The following NELL1 variants were observed in gnomAD, a reference collection of about 807,000 sequenced individuals.
NELL1 encodes neural EGFL like 1.
A neutral mutation model predicts 107.4 loss-of-function variants in NELL1; 76 were observed. The ratio of observed to expected loss-of-function variants is 0.71; its 90% CI spans 0.59 to 0.86. The LOEUF is 0.86. Ranked by LOEUF, NELL1 falls within the 40% of genes least tolerant of loss-of-function variation. NELL1 has a pLI of 0.00. For synonymous variants in NELL1, 353 were observed against 341.2 expected (o/e 1.03, Z -0.38); for missense variants, 1,024 against 1,005.5 (o/e 1.02, Z -0.25).
chr11:20,904,216 TA>T (rs59464771), intron 5 of NELL1, among the ~76,000 whole-genome samples: 82 of 137,564 alleles, frequency 6.0e-4, no homozygotes, highest in South Asian at 1.4e-3. Context: ...AATAAATAAA[TA>T]AAAAAAAAAA....
At chr11:21,126,359 T>TAATAAATAAATA (rs3046342) in intron 13 of NELL1, among the ~76,000 whole-genome samples, 5 of 150,556 alleles carry the variant, frequency 3.3e-5, no homozygotes, top group Admixed American at 6.6e-5. Context: ...CCTATTGAGA[T>TAATAAATAAATA]AATAAATAAA....
At chr11:21,496,159 T>A (rs1040114190) in intron 15 of NELL1, among the ~76,000 whole-genome samples, 15 of 151,990 alleles carry the variant, frequency 9.9e-5, no homozygotes, top group Non-Finnish European at 2.1e-4. Context: ...TTGTACTTCT[T>A]ATATGCACAG....
chr11:21,504,508 C>T (rs1195350726), intron 15 of NELL1, among the ~76,000 whole-genome samples: 1 of 152,068 alleles, frequency 6.6e-6, no homozygotes, highest in Non-Finnish European at 1.5e-5. Context: ...TTTTTTTGTA[C>T]ATAATTGAAT....
intron 5 of NELL1, among the ~76,000 whole-genome samples, chr11:20,888,772 T>C (rs940304782): frequency 2.2e-4 from 34 of 152,286 alleles, no homozygotes; most frequent in Non-Finnish European, 4.3e-4. Context: ...CTGTGGTTAA[T>C]TGGCATGCTA....
intron 15 of NELL1, among the ~76,000 whole-genome samples, chr11:21,466,211 C>A (rs1451748129): frequency 1.3e-5 from 2 of 152,146 alleles, no homozygotes; most frequent in African/African-American, 4.8e-5. Context: ...TTGCCCTCTA[C>A]CTGAAGCCCT....
intron 12 of NELL1, among the ~76,000 whole-genome samples, chr11:20,973,039 C>T (rs1851531452): frequency 6.6e-6 from 1 of 150,614 alleles, no homozygotes; most frequent in African/African-American, 2.4e-5. Flanking sequence ...GCTTCCTCCT[C>T]TGGGTTCTAG....
At chr11:20,911,566 T>C (rs1297325160) in intron 5 of NELL1, among the ~76,000 whole-genome samples, 1 of 152,188 alleles carries the variant, frequency 6.6e-6, no homozygotes, top group Non-Finnish European at 1.5e-5. Flanking sequence ...AGACATGATA[T>C]TTACATGTGG....
intron 4 of NELL1, among the ~76,000 whole-genome samples, chr11:20,858,211 C>T (rs1439304400): frequency 6.6e-6 from 1 of 152,132 alleles, no homozygotes; most frequent in Non-Finnish European, 1.5e-5. Context: ...GCCATGGAGC[C>T]TGAGGTACCC....
intron 15 of NELL1, among the ~76,000 whole-genome samples, chr11:21,447,845 T>A (rs1176378974): frequency 6.6e-6 from 1 of 152,100 alleles, no homozygotes; most frequent in East Asian, 1.9e-4. Flanking sequence ...AGACAGCACA[T>A]CAAGTATATT....
At chr11:21,020,983 GC>G (rs1293995307) in intron 12 of NELL1, among the ~76,000 whole-genome samples, 1 of 148,098 alleles carries the variant, frequency 6.8e-6, no homozygotes, top group East Asian at 2.0e-4. Flanking sequence ...GTAAGGAGGG[GC>G]CAGCTGATAG....
intron 2 of NELL1, among the ~76,000 whole-genome samples, chr11:20,725,220 A>C (rs1352020901): frequency 3.3e-5 from 5 of 152,182 alleles, no homozygotes; most frequent in African/African-American, 9.7e-5. Flanking sequence ...GAAGGGAGAA[A>C]AATTCATCTG....
At chr11:20,814,453 C>T (rs971203055) in intron 3 of NELL1, among the ~76,000 whole-genome samples, 1 of 152,196 alleles carries the variant, frequency 6.6e-6, no homozygotes, top group African/African-American at 2.4e-5. Context: ...CTCCACCCTC[C>T]CACCGCTCTA....
intron 15 of NELL1, among the ~76,000 whole-genome samples, chr11:21,450,554 G>A (rs1853552312): frequency 6.6e-6 from 1 of 152,150 alleles, no homozygotes; most frequent in East Asian, 1.9e-4. Flanking sequence ...ATGGAATCAT[G>A]TCTTAGAAAT....
At chr11:20,804,010 C>T (rs1161697384) in intron 3 of NELL1, among the ~76,000 whole-genome samples, 1 of 152,100 alleles carries the variant, frequency 6.6e-6, no homozygotes, top group Non-Finnish European at 1.5e-5. Context: ...GCTCCTTAGC[C>T]TGCAGACAGC....
At position 21,309,275 on chromosome 11, in the gene NELL1, T is replaced by C. The variant is rs1849680768; in HGVS notation, c.1550-61578T>C. 2.7e-4 allele frequency among the ~76,000 whole-genome samples: 6 copies of C among 22,254 alleles called. 1 individual carries two copies. The South Asian group carries it at 8.4e-3, about 31-fold the overall frequency. The allele number at this position is 22,254 out of a possible 152,430, so 14.6% of individuals were successfully genotyped here. ...ATATATATATGTATATATATATATATATATGTATATATATATATATATATG... is the reference window on the plus strand; with the variant it reads ...ATATATATATGTATATATATATATACATATGTATATATATATATATATATG... On this transcript the variant is annotated intron_variant, in intron 14 of 19. Coordinates refer to ENST00000357134, the MANE Select transcript of NELL1 (RefSeq NM_006157.5).
At chr11:21,385,717 A>G (rs1851730199) in intron 15 of NELL1, among the ~76,000 whole-genome samples, 1 of 151,946 alleles carries the variant, frequency 6.6e-6, no homozygotes, top group Non-Finnish European at 1.5e-5. Flanking sequence ...AAAAACTTAA[A>G]TGGTTTCCAG....
chr11:20,784,872 A>G (rs1042534481), intron 3 of NELL1, among the ~76,000 whole-genome samples: 1 of 152,218 alleles, frequency 6.6e-6, no homozygotes, highest in African/African-American at 2.4e-5. Context: ...AGGCATAACC[A>G]CACAAAAAGC....
At chr11:20,968,830 A>G (rs1441243035) in intron 12 of NELL1, among the ~76,000 whole-genome samples, 1 of 152,062 alleles carries the variant, frequency 6.6e-6, no homozygotes, top group Non-Finnish European at 1.5e-5. Context: ...GAAGGGGAAA[A>G]GAATGGAAGG....
At chr11:20,857,415 GAGA>G (rs1160892966) in intron 4 of NELL1, among the ~76,000 whole-genome samples, 1 of 152,176 alleles carries the variant, frequency 6.6e-6, no homozygotes, top group African/African-American at 2.4e-5. Context: ...TAGCTGGCAG[GAGA>G]AGGTGAGTGG....
Sources: allele counts gnomAD v4.1 joint callset (sites outside exome capture counted in the v4.1 genomes callset), GRCh38; gene constraint gnomAD v4.1.1; transcripts MANE v1.5; gene names NCBI Gene and HGNC (gene_info 2026-07-23, HGNC 2026-07-21).